The following KLHL32 variants were observed in gnomAD, a reference collection of about 807,000 sequenced individuals.
KLHL32 encodes the protein kelch-like protein 32.
KLHL32 carries 35 observed loss-of-function variants against 64.8 expected under a neutral mutation model. The ratio of observed to expected loss-of-function variants is 0.54; its 90% CI spans 0.41 to 0.72. The LOEUF (loss-of-function observed/expected upper bound fraction) is 0.72. Among genes scored for constraint, KLHL32 ranks in the 30% least tolerant of loss-of-function variants. KLHL32 has a pLI of 0.00. For missense variants in KLHL32, 589 were observed against 768.5 expected (o/e 0.77, Z 2.76); for synonymous variants, 259 against 281.0 (o/e 0.92, Z 0.78).
At chr6:96,931,783 G>A (rs1769919849) in intron 1 of KLHL32, among the ~76,000 whole-genome samples, 1 of 152,112 alleles carries the variant, frequency 6.6e-6, no homozygotes, top group African/African-American at 2.4e-5. Flanking sequence ...GTGAGATGTA[G>A]ATTCTCAGCT....
chr6:97,114,547 T>C lies in KLHL32; in HGVS notation c.1354+38T>C, dbSNP rs534385026. The stretch of plus-strand genomic sequence containing the variant: ...TCATGTTGGATTTATCAAAACACAC[T>C]TTCATTGTGGTATATATTTAAAAGT... On this transcript the variant is annotated intron_variant, in intron 7 of 10. Transcript: ENST00000369261. 5 of 1,607,510 alleles carry C rather than the reference T, an allele frequency of 3.1e-6. No homozygotes were observed. In the East Asian group the frequency reaches 6.7e-5, roughly 21 times the overall value.
At chr6:96,934,406 G>A (rs999248143) in intron 1 of KLHL32, among the ~76,000 whole-genome samples, 1 of 152,150 alleles carries the variant, frequency 6.6e-6, no homozygotes, top group Non-Finnish European at 1.5e-5. Flanking sequence ...GACCAGCCAG[G>A]CCATCTGGAT....
intron 6 of KLHL32, among the ~76,000 whole-genome samples, chr6:97,101,837 T>C (rs893117060): frequency 6.6e-6 from 1 of 152,210 alleles, no homozygotes; most frequent in Non-Finnish European, 1.5e-5. Flanking sequence ...TATAGCAATC[T>C]CTCAAAATTT....
intron 3 of KLHL32, among the ~76,000 whole-genome samples, chr6:97,017,984 G>A (rs1031067038): frequency 5.9e-5 from 9 of 152,136 alleles, no homozygotes; most frequent in African/African-American, 2.2e-4. Flanking sequence ...AAGTCACTGG[G>A]AATTTGGGTT....
intron 1 of KLHL32, among the ~76,000 whole-genome samples, chr6:96,935,554 A>AT (rs1442232075): frequency 6.6e-6 from 1 of 152,138 alleles, no homozygotes; most frequent in Non-Finnish European, 1.5e-5. Flanking sequence ...TCATCAATTG[A>AT]TTTTGAACTT....
At chr6:96,972,444 A>G (rs903915945) in intron 2 of KLHL32, among the ~76,000 whole-genome samples, 6 of 152,108 alleles carry the variant, frequency 3.9e-5, no homozygotes, top group African/African-American at 7.2e-5. Context: ...GAGTGTTACT[A>G]TGGTATTAAT....
At chr6:97,116,520 C>T (rs948778978) in intron 7 of KLHL32, among the ~76,000 whole-genome samples, 1 of 152,152 alleles carries the variant, frequency 6.6e-6, no homozygotes, top group Non-Finnish European at 1.5e-5. Context: ...TATTAATATA[C>T]TGTATTCCTA....
intron 3 of KLHL32, among the ~76,000 whole-genome samples, chr6:97,029,985 G>C (rs1318388533): frequency 6.6e-6 from 1 of 152,154 alleles, no homozygotes; most frequent in African/African-American, 2.4e-5. Context: ...TCTTTTCAAT[G>C]ACTTCCTTAA....
chr6:96,968,273 G>C (rs1774696515), intron 2 of KLHL32, among the ~76,000 whole-genome samples: 1 of 152,010 alleles, frequency 6.6e-6, no homozygotes, highest in South Asian at 2.1e-4. Context: ...GATGTCACGG[G>C]GATTGTGGAT....
chr6:97,057,199 T>G (rs1330000289), intron 4 of KLHL32, among the ~76,000 whole-genome samples: 5 of 84,136 alleles, frequency 5.9e-5, no homozygotes, highest in South Asian at 3.2e-4. Context: ...TTTTTTTTTT[T>G]TTGAGACGGA....
chr6:96,949,974 T>C (rs1772375462), intron 1 of KLHL32, among the ~76,000 whole-genome samples: 1 of 152,128 alleles, frequency 6.6e-6, no homozygotes, highest in Non-Finnish European at 1.5e-5. Context: ...CAAAGTGCCT[T>C]ATCTTGCTGT....
intron 3 of KLHL32, among the ~76,000 whole-genome samples, chr6:96,995,902 C>T (rs1778363919): frequency 6.6e-6 from 1 of 152,248 alleles, no homozygotes; most frequent in South Asian, 2.1e-4. Flanking sequence ...TTACCAGTAA[C>T]ATCTCAGAGA....
chr6:97,001,845 G>T (rs1019694960), intron 3 of KLHL32, among the ~76,000 whole-genome samples: 1 of 152,160 alleles, frequency 6.6e-6, no homozygotes, highest in South Asian at 2.1e-4. Flanking sequence ...TGGCTCTTTT[G>T]TTAAAGGTTG....
intron 7 of KLHL32, among the ~76,000 whole-genome samples, chr6:97,123,982 C>T (rs1377769408): frequency 6.6e-6 from 1 of 152,122 alleles, no homozygotes; most frequent in Non-Finnish European, 1.5e-5. Context: ...CATCTCATTT[C>T]AGCAGATTAA....
intron 6 of KLHL32, among the ~76,000 whole-genome samples, chr6:97,089,723 C>T (rs1156890219): frequency 2.0e-5 from 3 of 148,772 alleles, no homozygotes; most frequent in Non-Finnish European, 3.0e-5. Flanking sequence ...GAGGTTGCAG[C>T]GAGTGGAGAT....
chr6:96,996,088 T>C (rs1259945333), intron 3 of KLHL32, among the ~76,000 whole-genome samples: 1 of 152,186 alleles, frequency 6.6e-6, no homozygotes, highest in African/African-American at 2.4e-5. Context: ...ACACATAAGT[T>C]ACAGGGCCCA....
the KLHL32 span, among the ~76,000 whole-genome samples, chr6:96,918,150 G>A: frequency 6.6e-6 from 1 of 152,304 alleles, no homozygotes; most frequent in African/African-American, 2.4e-5. Flanking sequence ...GGAAAGAGCT[G>A]CTGTCCAAGG....
chr6:96,969,256 G>A (rs1774845822), intron 2 of KLHL32, among the ~76,000 whole-genome samples: 1 of 152,052 alleles, frequency 6.6e-6, no homozygotes, highest in African/African-American at 2.4e-5. Context: ...CTTAGTAATT[G>A]CTCTGTTTCT....
chr6:97,011,332 G>A (rs1039927636), intron 3 of KLHL32, among the ~76,000 whole-genome samples: 4 of 152,154 alleles, frequency 2.6e-5, no homozygotes, highest in East Asian at 1.9e-4. Flanking sequence ...CTTTTAAGAA[G>A]CTTTGTGATA....
Sources: allele counts gnomAD v4.1 joint callset (sites outside exome capture counted in the v4.1 genomes callset), GRCh38; gene constraint gnomAD v4.1.1; transcripts MANE v1.5; gene names NCBI Gene and HGNC (gene_info 2026-07-23, HGNC 2026-07-21).